Variants in LAMB4 observed in about 807,000 individuals in gnomAD.
The protein encoded by LAMB4 is laminin subunit beta-4.
In LAMB4, 196 loss-of-function variants were observed where a neutral mutation model predicts 199.2. The ratio of observed to expected loss-of-function variants is 0.98; its 90% CI spans 0.88 to 1.11. LAMB4 has a LOEUF of 1.11. Ranked by LOEUF, LAMB4 falls within the 50% of genes least tolerant of loss-of-function variation. The pLI is 0.00. For missense variants in LAMB4, 2,080 were observed against 2,171.2 expected (o/e 0.96, Z 0.83); for synonymous variants, 744 against 770.6 (o/e 0.97, Z 0.57).
At chr7:108,130,097 A>T (rs1420415979) in intron 1 of LAMB4, among the ~76,000 whole-genome samples, 3 of 152,266 alleles carry the variant, frequency 2.0e-5, no homozygotes, top group Non-Finnish European at 4.4e-5. Context: ...ATGCACTAAC[A>T]TCAATTTTCC....
At chr7:108,122,226 C>A (rs191043544) in intron 2 of LAMB4, among the ~76,000 whole-genome samples, 11 of 152,120 alleles carry the variant, frequency 7.2e-5, no homozygotes, top group Admixed American at 2.0e-4. Flanking sequence ...CCTCAGTGGT[C>A]CCTTCTGATT....
At chr7:108,108,240 T>C (rs1391016915) in intron 5 of LAMB4, among the ~76,000 whole-genome samples, 1 of 152,220 alleles carries the variant, frequency 6.6e-6, no homozygotes, top group Non-Finnish European at 1.5e-5. Flanking sequence ...GGTCTATCTT[T>C]TAAAATCTAC....
At chr7:108,046,753 A>G (rs1043608667) in intron 28 of LAMB4, among the ~76,000 whole-genome samples, 7 of 152,078 alleles carry the variant, frequency 4.6e-5, no homozygotes, top group Non-Finnish European at 1.0e-4. Context: ...GTATGGTTTA[A>G]TTCCTATTAA....
chr7:108,092,895 C>A (rs1377307646), intron 12 of LAMB4, among the ~76,000 whole-genome samples: 1 of 152,080 alleles, frequency 6.6e-6, no homozygotes, highest in East Asian at 1.9e-4. Context: ...CAGAGTGACA[C>A]TCCATCTCAA....
chr7:108,032,644 A>C lies in LAMB4; in HGVS notation c.4818+1564T>G, dbSNP rs1208577185. Among the ~76,000 whole-genome samples, 3 of 151,840 alleles carry C rather than the reference A, an allele frequency of 2.0e-5. No homozygotes were observed. In the East Asian group the frequency reaches 5.8e-4, roughly 29 times the overall value. On this transcript the variant is annotated intron_variant, in intron 31 of 33. Transcript: ENST00000388781. ...TCGCGGTTAGCAAATCTTAGTGGAG[A>C]TGTTACTCCCCAACCCAGGGGCAAG...
At chr7:108,098,648 G>T (rs750053407) in intron 10 of LAMB4, 66 bp from the exon 11 acceptor site, 2 of 1,321,968 alleles carry the variant, frequency 1.5e-6, no homozygotes, top group Middle Eastern at 2.7e-4. Context: ...ATATAAGCAC[G>T]GCATTTTACT....
At chr7:108,069,363 G>C (rs1390331206) in intron 18 of LAMB4, among the ~76,000 whole-genome samples, 1 of 152,204 alleles carries the variant, frequency 6.6e-6, no homozygotes, top group Non-Finnish European at 1.5e-5. Context: ...AAATGGGCAA[G>C]TTACATACAG....
intron 6 of LAMB4, among the ~76,000 whole-genome samples, chr7:108,107,126 G>T (rs1334002405): frequency 6.6e-6 from 1 of 152,158 alleles, no homozygotes; most frequent in African/African-American, 2.4e-5. Flanking sequence ...GATCAATTTG[G>T]ATTTGGTGGT....
In LAMB4 at chr7:108,051,267, G is replaced by A. The variant is rs1200211133; in HGVS notation, c.3916+830C>T. Among the ~76,000 whole-genome samples the A allele has an allele frequency of 1.1e-4, 16 of 152,082 alleles. No homozygotes were observed. In the East Asian group the frequency reaches 3.1e-3, roughly 29 times the overall value. On this transcript the variant is annotated intron_variant, in intron 26 of 33. Coordinates refer to ENST00000388781, the MANE Select transcript of LAMB4 (RefSeq NM_007356.3). Reference sequence around the variant, plus strand: ...TTCACTAAATTTAGGCATCCCTTTAGGGAAATTAGGTATTCCTACCTGCCT... The same window carrying A: ...TTCACTAAATTTAGGCATCCCTTTAAGGAAATTAGGTATTCCTACCTGCCT...
chr7:108,070,911 C>T (rs1424213894), intron 17 of LAMB4, among the ~76,000 whole-genome samples: 2 of 152,072 alleles, frequency 1.3e-5, no homozygotes, highest in African/African-American at 4.8e-5. Flanking sequence ...GGAAACAGAC[C>T]CCAGCAAAAG....
intron 29 of LAMB4, among the ~76,000 whole-genome samples, chr7:108,041,536 A>G (rs547341310): frequency 2.0e-5 from 3 of 152,228 alleles, no homozygotes; most frequent in Non-Finnish European, 4.4e-5. Flanking sequence ...AAAATGTTGT[A>G]CATATACGCC....
intron 28 of LAMB4, among the ~76,000 whole-genome samples, chr7:108,045,964 G>A (rs542467523): frequency 6.6e-6 from 1 of 152,198 alleles, no homozygotes; most frequent in African/African-American, 2.4e-5. Flanking sequence ...TATCTTGGCT[G>A]TGGTTCTCAC....
Position 108,055,982 on chromosome 7 carries a change from G to C in LAMB4, c.3405C>G (p.Thr1135=), listed in dbSNP as rs1276759670. 1 of 1,613,590 alleles carries C rather than the reference G, an allele frequency of 6.2e-7. No individual in the cohort carries two copies. Among genetic ancestry groups the C allele is most frequent in the Non-Finnish European group, 8.5e-7 (1 of 1,179,684 alleles). The change falls in exon 25 of 34, where the codon ACC becomes ACG. Residue 1135 remains threonine (T), a synonymous_variant. Coordinates refer to ENST00000388781, the MANE Select transcript of LAMB4 (RefSeq NM_007356.3). ...CIPCDCNRAG[T]QKPICDPDTG... ...TGTCTGGATCACAGATGGGCTTCTG[G>C]GTACCTGCCCTGTTACAATCACATG...
intron 25 of LAMB4, among the ~76,000 whole-genome samples, 164 bp from the exon 26 acceptor site, chr7:108,052,421 C>T (rs1039633028): frequency 6.6e-6 from 1 of 152,106 alleles, no homozygotes; most frequent in African/African-American, 2.4e-5. Flanking sequence ...GTTTATGTCT[C>T]ATCTCTTTCA....
At chr7:108,022,837 G>C (rs143773558), downstream of LAMB4, among the ~76,000 whole-genome samples, 284 of 152,154 alleles carry the variant, frequency 1.9e-3, 2 homozygotes, top group African/African-American at 6.6e-3. Flanking sequence ...TTTTGAGACA[G>C]GGTCTTGCTC....
chr7:108,098,673 C>A, intron 10 of LAMB4, 91 bp from the exon 11 acceptor site: 1 of 1,079,206 alleles, frequency 9.3e-7, no homozygotes. Flanking sequence ...CTATAACTAT[C>A]TTGCTTTGTT....
intron 10 of LAMB4, among the ~76,000 whole-genome samples, chr7:108,102,136 A>T (rs2037835896): frequency 6.6e-6 from 1 of 152,214 alleles, no homozygotes; most frequent in Non-Finnish European, 1.5e-5. Flanking sequence ...ATAGATGCAC[A>T]AGGTCACATA....
chr7:108,109,379 G>T, intron 4 of LAMB4, 135 bp from the exon 5 acceptor site: 1 of 679,088 alleles, frequency 1.5e-6, no homozygotes, highest in Non-Finnish European at 2.6e-6. Context: ...TTCCCAGTCT[G>T]TTGGAGTGGT....
At chr7:108,120,803 A>AT (rs1221550340) in intron 2 of LAMB4, among the ~76,000 whole-genome samples, 6 of 151,756 alleles carry the variant, frequency 4.0e-5, no homozygotes, top group African/African-American at 1.2e-4. Context: ...TCCATCCTGG[A>AT]TTTTTTTTTA....
Sources: gnomAD v4.1 joint callset for allele counts (sites outside exome capture counted in the v4.1 genomes callset) on GRCh38, gnomAD v4.1.1 for gene constraint, MANE v1.5 for transcripts, NCBI Gene and HGNC (gene_info 2026-07-23, HGNC 2026-07-21) for gene names.